Variants in NT5C3A observed in about 807,000 individuals in gnomAD.
NT5C3A encodes cytosolic 5'-nucleotidase 3A.
In NT5C3A, 23 loss-of-function variants were observed where a neutral mutation model predicts 40.0. The ratio of observed to expected loss-of-function variants is 0.58; its 90% CI spans 0.41 to 0.81. The LOEUF is 0.81. Ranked by LOEUF, NT5C3A falls within the 40% of genes least tolerant of loss-of-function variation. NT5C3A has a pLI of 0.00. For missense variants in NT5C3A, 328 were observed against 403.0 expected (o/e 0.81, Z 1.59); for synonymous variants, 130 against 141.4 (o/e 0.92, Z 0.57).
intron 1 of NT5C3A, among the ~76,000 whole-genome samples, chr7:33,027,563 G>A (rs1786012169): frequency 6.6e-6 from 1 of 152,116 alleles, no homozygotes; most frequent in African/African-American, 2.4e-5. Flanking sequence ...AAACTGCCTG[G>A]AGTTCAACTA....
At chr7:33,051,678 T>C (rs1787374289) in intron 1 of NT5C3A, among the ~76,000 whole-genome samples, 1 of 152,166 alleles carries the variant, frequency 6.6e-6, no homozygotes. Context: ...TTATCTTTAA[T>C]ACAGGCTTAT....
intron 2 of NT5C3A, among the ~76,000 whole-genome samples, chr7:33,025,489 ATT>A (rs1432231411): frequency 3.3e-5 from 5 of 152,164 alleles, no homozygotes; most frequent in Non-Finnish European, 7.4e-5. Flanking sequence ...GAATATCCAG[ATT>A]GTTGATTTAA....
rs115099761 is a variant in NT5C3A, at chr7:33,018,914, C to A, written c.530+721G>T. Among the ~76,000 whole-genome samples, 1,327 of 152,088 alleles carry A rather than the reference C, an allele frequency of 8.7e-3. 19 individuals carry two copies. The highest frequency in any genetic ancestry group is 0.029 in the African/African-American group (1,187 of 41,504). ...TAATTATGTACTAAAACATACTAAT[C>A]TTTCCTAGGAATAGTTTTCAAAGAA... On this transcript the variant is annotated intron_variant, in intron 6 of 8. Transcript: ENST00000610140.
At chr7:33,054,788 C>T (rs772277719) in intron 1 of NT5C3A, among the ~76,000 whole-genome samples, 11 of 152,258 alleles carry the variant, frequency 7.2e-5, no homozygotes, top group African/African-American at 2.2e-4. Flanking sequence ...ATCATGTCAG[C>T]GTTCAAAAAG....
At chr7:33,058,098 T>C (rs10256717) in intron 1 of NT5C3A, among the ~76,000 whole-genome samples, 111,053 of 151,992 alleles carry the variant, frequency 0.73, 40,924 homozygotes, top group African/African-American at 0.81. Context: ...AGAGAAAAAC[T>C]GAAAATTTGC....
rs1312247556 is a variant in NT5C3A, at chr7:33,039,565, T to TTTTTTG, written c.139-12651_139-12650insCAAAAA. On this transcript the variant is annotated intron_variant, in intron 1 of 8. Transcript: ENST00000610140. ...CTTTCTTAAGCTTGGGTTTTTTGTT[T>TTTTTTG]TTTTTTTTTTTTAATGTTACTGTCT... is the stretch of plus-strand genomic sequence containing the variant. Among the ~76,000 whole-genome samples the TTTTTTG allele has an allele frequency of 2.1e-4, 31 of 144,314 alleles. 1 individual carries two copies. The highest frequency in any genetic ancestry group is 8.0e-4 in the African/African-American group (31 of 38,942). The allele number at this position is 144,314 out of a possible 152,430, so 94.7% of individuals were successfully genotyped here.
At chr7:33,016,669 C>CA (rs386409862) in intron 7 of NT5C3A, among the ~76,000 whole-genome samples, 44,186 of 91,544 alleles carry the variant, frequency 0.48, 9,297 homozygotes, top group Admixed American at 0.58. Context: ...GACTCCCTCT[C>CA]AAAAAAAAAA....
chr7:33,051,796 A>T (rs1787377348), intron 1 of NT5C3A, among the ~76,000 whole-genome samples: 1 of 152,208 alleles, frequency 6.6e-6, no homozygotes, highest in Admixed American at 6.5e-5. Context: ...CACTTATTTT[A>T]AAAACCATAC....
intron 7 of NT5C3A, chr7:33,017,107 C>G (rs998458276): frequency 4.2e-6 from 1 of 239,666 alleles, no homozygotes; most frequent in Non-Finnish European, 8.0e-6. Flanking sequence ...TGCTTGAACC[C>G]AGGAGACAGA....
chr7:33,035,224 C>T (rs1297623624), intron 1 of NT5C3A, among the ~76,000 whole-genome samples: 3 of 119,894 alleles, frequency 2.5e-5, no homozygotes, highest in Non-Finnish European at 4.8e-5. Flanking sequence ...GACGGAATCT[C>T]GCTCTGTCGC....
chr7:33,052,556 A>G (rs369279295), intron 1 of NT5C3A, among the ~76,000 whole-genome samples: 29 of 151,906 alleles, frequency 1.9e-4, no homozygotes, highest in Middle Eastern at 3.4e-3. Context: ...TTTATTATAC[A>G]AATGCACCAT....
intron 6 of NT5C3A, 127 bp downstream of exon 6, chr7:33,019,508 T>A: frequency 1.4e-6 from 1 of 697,006 alleles, no homozygotes; most frequent in Non-Finnish European, 2.6e-6. Flanking sequence ...TTGTGATAGG[T>A]GGCATATTTT....
intron 1 of NT5C3A, among the ~76,000 whole-genome samples, chr7:33,039,659 G>T (rs553332506): frequency 1.1e-4 from 16 of 145,148 alleles, no homozygotes; most frequent in African/African-American, 4.1e-4. Flanking sequence ...ATAATTTGGT[G>T]GGGCATTTAA....
chr7:33,042,182 C>T (rs1256344097), intron 1 of NT5C3A, among the ~76,000 whole-genome samples: 1 of 151,794 alleles, frequency 6.6e-6, no homozygotes, highest in Non-Finnish European at 1.5e-5. Flanking sequence ...ACCAAAAATA[C>T]AAAAAATTAG....
chr7:33,058,129 C>T (rs1040853039), intron 1 of NT5C3A, among the ~76,000 whole-genome samples: 9 of 151,916 alleles, frequency 5.9e-5, no homozygotes, highest in Non-Finnish European at 1.3e-4. Context: ...AGAATACATT[C>T]TGATATTGCA....
At chr7:33,053,702 A>C (rs1277757908) in intron 1 of NT5C3A, among the ~76,000 whole-genome samples, 1 of 152,120 alleles carries the variant, frequency 6.6e-6, no homozygotes, top group African/African-American at 2.4e-5. Flanking sequence ...GAAAGAAAGA[A>C]GTAATGGCTT....
chr7:33,051,347 A>G (rs1443560112), intron 1 of NT5C3A, among the ~76,000 whole-genome samples: 1 of 151,986 alleles, frequency 6.6e-6, no homozygotes, highest in South Asian at 2.1e-4. Flanking sequence ...TATTTTTAGT[A>G]TAGATGGGGT....
chr7:33,027,553 A>C (rs1413949658), intron 1 of NT5C3A, among the ~76,000 whole-genome samples: 2 of 152,160 alleles, frequency 1.3e-5, no homozygotes, highest in Non-Finnish European at 2.9e-5. Flanking sequence ...AAGACAATAA[A>C]AACTGCCTGG....
Position 33,021,327 on chromosome 7 carries a change from T to G in NT5C3A, c.385A>C (p.Ile129Leu). ...ACAGTAAGAACAGGATCAACTTCAA[T>G]AGCGTAATATTTTTCCTTTAGTTGC... is the stretch of plus-strand genomic sequence containing the variant. ...LLQLKEKYYA[I>L]EVDPVLTVEE... is the part of the protein sequence containing the mutation. Residue 129 changes from isoleucine (I) to leucine (L), a missense_variant, in exon 5 of 9, where the codon ATT becomes CTT. Physicochemically the swap from Ile to Leu is conservative, Grantham distance 5. Around this residue, in one of 3 missense-constraint regions of NT5C3A, gnomAD observed 280 missense variants for 317.2 expected, o/e 0.88. Transcript: ENST00000610140. The G allele has an allele frequency of 6.2e-7, 1 of 1,612,002 alleles. No homozygotes were observed. Among genetic ancestry groups the G allele is most frequent in the Non-Finnish European group, 8.5e-7 (1 of 1,178,592 alleles).
Sources: allele counts gnomAD v4.1 joint callset (sites outside exome capture counted in the v4.1 genomes callset), GRCh38; gene constraint gnomAD v4.1.1; regional missense constraint gnomAD v4.1.1; transcripts MANE v1.5; gene names NCBI Gene and HGNC (gene_info 2026-07-23, HGNC 2026-07-21).